Variants in KCNAB1 observed in about 807,000 individuals in gnomAD.
The protein encoded by KCNAB1 is potassium voltage-gated channel subfamily A regulatory beta subunit 1.
KCNAB1 carries 35 observed loss-of-function variants against 64.6 expected under a neutral mutation model. The ratio of observed to expected loss-of-function variants is 0.54; its 90% CI spans 0.41 to 0.72. KCNAB1 has a LOEUF of 0.72. Among genes scored for constraint, KCNAB1 ranks in the 30% least tolerant of loss-of-function variants. The probability of loss-of-function intolerance (pLI) is 0.00; values close to 1 mark genes in which losing one functional copy is unlikely to be tolerated. For missense variants in KCNAB1, 401 were observed against 512.9 expected (o/e 0.78, Z 2.11); for synonymous variants, 177 against 183.8 (o/e 0.96, Z 0.30).
At chr3:156,277,787 C>T (rs1321599481) in intron 1 of KCNAB1, among the ~76,000 whole-genome samples, 1 of 152,140 alleles carries the variant, frequency 6.6e-6, no homozygotes, top group African/African-American at 2.4e-5. Context: ...GGTTACTTAG[C>T]AGTTCTATTA....
At chr3:156,292,000 T>G in intron 1 of KCNAB1, 4 of 1,614,078 alleles carry the variant, frequency 2.5e-6, no homozygotes, top group Non-Finnish European at 3.4e-6. Context: ...CCGCCCCCAA[T>G]GTGGTGAACG....
intron 1 of KCNAB1, among the ~76,000 whole-genome samples, chr3:156,246,330 G>T (rs1398958053): frequency 6.6e-6 from 1 of 152,122 alleles, no homozygotes; most frequent in African/African-American, 2.4e-5. Context: ...CATAGGCCAG[G>T]CGCGGTGGCT....
intron 2 of KCNAB1, among the ~76,000 whole-genome samples, chr3:156,450,259 G>A (rs1229928033): frequency 6.6e-6 from 1 of 152,168 alleles, no homozygotes; most frequent in East Asian, 1.9e-4. Context: ...AACACTTGGT[G>A]ACTTTGACCA....
At chr3:156,188,130 C>T (rs1018505802) in intron 1 of KCNAB1, among the ~76,000 whole-genome samples, 1 of 152,068 alleles carries the variant, frequency 6.6e-6, no homozygotes, top group African/African-American at 2.4e-5. Context: ...ATATTTTGGG[C>T]ATCTCAAGAT....
At chr3:156,444,326 G>A (rs1332101160) in intron 2 of KCNAB1, among the ~76,000 whole-genome samples, 1 of 152,196 alleles carries the variant, frequency 6.6e-6, no homozygotes, top group Non-Finnish European at 1.5e-5. Context: ...GCTCATATCT[G>A]CAGAATAAGA....
At chr3:156,398,811 A>G (rs1713678333) in intron 1 of KCNAB1, among the ~76,000 whole-genome samples, 1 of 78,254 alleles carries the variant, frequency 1.3e-5, no homozygotes, top group South Asian at 3.9e-4. Flanking sequence ...AGTGCTCCAA[A>G]TATTTTCTTC....
chr3:156,341,490 T>A (rs533112578), intron 1 of KCNAB1, among the ~76,000 whole-genome samples: 61 of 152,340 alleles, frequency 4.0e-4, no homozygotes, highest in Admixed American at 7.2e-4. Flanking sequence ...CTTGCTCACA[T>A]GCTGTCATTC....
chr3:156,293,000 T>C (rs1408970117), intron 1 of KCNAB1, among the ~76,000 whole-genome samples: 3 of 152,248 alleles, frequency 2.0e-5, no homozygotes, highest in Non-Finnish European at 4.4e-5. Context: ...TTGTGAAATA[T>C]GGAGAAAATG....
chr3:156,457,315 C>CGT, intron 3 of KCNAB1, 138 bp from the exon 4 acceptor site: 1 of 1,409,582 alleles, frequency 7.1e-7, no homozygotes, highest in Non-Finnish European at 9.3e-7. Context: ...TCTTTCTTTC[C>CGT]CTCTCCACTA....
At chr3:156,408,296 A>G (rs1241367014) in intron 1 of KCNAB1, among the ~76,000 whole-genome samples, 1 of 152,150 alleles carries the variant, frequency 6.6e-6, no homozygotes, top group Admixed American at 6.5e-5. Flanking sequence ...GAAGGCAGCA[A>G]GGGGCAGAGG....
At chr3:156,457,615 G>A in intron 4 of KCNAB1, 83 bp downstream of exon 4, 1 of 1,234,084 alleles carries the variant, frequency 8.1e-7, no homozygotes, top group Non-Finnish European at 1.2e-6. Context: ...GCATGTTGGT[G>A]AAAAGGTTCT....
At chr3:156,361,454 A>ATG (rs1432292565) in intron 1 of KCNAB1, among the ~76,000 whole-genome samples, 1 of 152,006 alleles carries the variant, frequency 6.6e-6, no homozygotes, top group African/African-American at 2.4e-5. Flanking sequence ...ACCCCTTGAT[A>ATG]TGTGTGTGTA....
intron 1 of KCNAB1, among the ~76,000 whole-genome samples, chr3:156,173,659 A>G (rs1560119698): frequency 6.6e-6 from 1 of 152,134 alleles, no homozygotes; most frequent in African/African-American, 2.4e-5. Context: ...TTAACACTCT[A>G]TGTAACAAAA....
Position 156,120,657 on chromosome 3 carries a change from G to A in KCNAB1, c.46G>A (p.Glu16Lys). 1 of 1,614,250 alleles carries A rather than the reference G, an allele frequency of 6.2e-7. No individual in the cohort carries two copies. Among genetic ancestry groups the A allele is most frequent in the South Asian group, 1.1e-5 (1 of 91,086 alleles). ...TGAAGSQISE[E>K]NTKLRRQSGF... ...GGCAGCGGGGAGTCAGATCTCAGAG[G>A]AGAACACCAAGTTAAGGAGACAGTC... Residue 16 changes from glutamate (E) to lysine (K), a missense_variant, in exon 1 of 14, where the codon GAG (glutamate) becomes AAG (lysine). By Grantham distance (56) the Glu-to-Lys change is moderately conservative. Transcript: ENST00000490337.
At chr3:156,251,445 A>G (rs1717823478) in intron 1 of KCNAB1, among the ~76,000 whole-genome samples, 1 of 152,216 alleles carries the variant, frequency 6.6e-6, no homozygotes, top group African/African-American at 2.4e-5. Flanking sequence ...AGACAAATAT[A>G]TGACAAGTGC....
At chr3:156,342,610 T>TTTTTTTTTTCA (rs1724214206) in intron 1 of KCNAB1, among the ~76,000 whole-genome samples, 1 of 68,280 alleles carries the variant, frequency 1.5e-5, no homozygotes, top group African/African-American at 1.1e-4. Flanking sequence ...TTTTTTTTAA[T>TTTTTTTTTTCA]TTTTTTTTTT....
chr3:156,416,384 C>T lies in KCNAB1; in HGVS notation c.276-5232C>T, dbSNP rs572976164. On this transcript the variant is annotated intron_variant, in intron 1 of 13. Coordinates refer to ENST00000490337, the MANE Select transcript of KCNAB1 (RefSeq NM_172160.3). ...AGAACGTATTTCAGTTCCTCAATTA[C>T]CCATGCTTCTTCCAGTCTCTGAGCC... is the stretch of plus-strand genomic sequence containing the variant. Among the ~76,000 whole-genome samples, 53 of 152,310 alleles carry T rather than the reference C, an allele frequency of 3.5e-4. 1 individual carries two copies. The South Asian group carries it at 0.011, about 30-fold the overall frequency.
intron 2 of KCNAB1, among the ~76,000 whole-genome samples, chr3:156,422,936 G>C (rs1715560565): frequency 6.6e-6 from 1 of 152,180 alleles, no homozygotes; most frequent in Non-Finnish European, 1.5e-5. Flanking sequence ...TGAGCATTTC[G>C]AGGAGGATGG....
chr3:156,454,856 C>T (rs1712278025), intron 3 of KCNAB1, among the ~76,000 whole-genome samples: 1 of 152,204 alleles, frequency 6.6e-6, no homozygotes, highest in South Asian at 2.1e-4. Flanking sequence ...TCTTCACTCT[C>T]CTCTTCACAG....
Sources: gnomAD v4.1 joint callset for allele counts (sites outside exome capture counted in the v4.1 genomes callset) on GRCh38, gnomAD v4.1.1 for gene constraint, MANE v1.5 for transcripts, NCBI Gene and HGNC (gene_info 2026-07-23, HGNC 2026-07-21) for gene names.